Variants in SMIM35 observed in about 807,000 individuals in gnomAD.
SMIM35 encodes the protein TMPRSS4 antisense RNA 1 (non-protein coding).
intron 4 of SMIM35, among the ~76,000 whole-genome samples, chr11:118,007,414 T>C (rs77295964): frequency 8.5e-5 from 13 of 152,114 alleles, no homozygotes; most frequent in Non-Finnish European, 1.8e-4. Flanking sequence ...TTTTTTTTTT[T>C]GAGACTGAGA....
chr11:118,047,103 C>T (rs552222926), intron 1 of SMIM35, among the ~76,000 whole-genome samples: 12 of 152,196 alleles, frequency 7.9e-5, no homozygotes, highest in Non-Finnish European at 1.8e-4. Flanking sequence ...AGGAGTAAAC[C>T]GGCTGCTGAG....
At chr11:118,023,959 G>A (rs1464425264) in intron 1 of SMIM35, among the ~76,000 whole-genome samples, 1 of 151,750 alleles carries the variant, frequency 6.6e-6, no homozygotes, top group Non-Finnish European at 1.5e-5. Context: ...GCTTGAACCT[G>A]GGTGGTGGAG....
chr11:118,044,348 C>T (rs951318260), intron 1 of SMIM35, among the ~76,000 whole-genome samples: 1 of 147,490 alleles, frequency 6.8e-6, no homozygotes, highest in East Asian at 2.0e-4. Flanking sequence ...GCCGTGAGTA[C>T]GTGCCAAGCA....
At chr11:118,008,664 T>G (rs1326161660) in intron 4 of SMIM35, among the ~76,000 whole-genome samples, 5 of 152,086 alleles carry the variant, frequency 3.3e-5, no homozygotes, top group Admixed American at 6.5e-5. Context: ...AGATCAAAAG[T>G]TTTGGTTTTC....
intron 1 of SMIM35, among the ~76,000 whole-genome samples, chr11:118,066,266 G>A (rs1944473250): frequency 6.6e-6 from 1 of 151,996 alleles, no homozygotes; most frequent in Non-Finnish European, 1.5e-5. Context: ...TCCAAATCTA[G>A]TCAGTCACCA....
At chr11:118,048,729 G>GAAAACAA (rs1255659327) in intron 1 of SMIM35, among the ~76,000 whole-genome samples, 1 of 151,466 alleles carries the variant, frequency 6.6e-6, no homozygotes, top group Admixed American at 6.6e-5. Context: ...AAAAACAACA[G>GAAAACAA]AAAACAAAAA....
chr11:118,073,378 A>G (rs990701859), intron 1 of SMIM35, among the ~76,000 whole-genome samples: 4 of 152,212 alleles, frequency 2.6e-5, no homozygotes, highest in African/African-American at 9.6e-5. Flanking sequence ...TGAGATTAGG[A>G]GGCAGGACCC....
chr11:118,051,208 T>C (rs1944207627), intron 1 of SMIM35, among the ~76,000 whole-genome samples: 1 of 152,216 alleles, frequency 6.6e-6, no homozygotes, highest in Non-Finnish European at 1.5e-5. Context: ...CTATGCCTTG[T>C]ATTGTTCTCT....
chr11:118,009,700 C>T (rs933170026), intron 4 of SMIM35, among the ~76,000 whole-genome samples: 3 of 148,956 alleles, frequency 2.0e-5, no homozygotes, highest in African/African-American at 7.5e-5. Context: ...AGGCTATACG[C>T]TAAGAACTGA....
intron 1 of SMIM35, among the ~76,000 whole-genome samples, chr11:118,023,731 A>G (rs1224940572): frequency 1.3e-5 from 2 of 151,948 alleles, no homozygotes; most frequent in Non-Finnish European, 2.9e-5. Context: ...GGGGAAAAAA[A>G]GTAATAAAAC....
intron 4 of SMIM35, 92 bp downstream of exon 4, chr11:118,013,656 T>A: frequency 2.5e-6 from 1 of 395,260 alleles, no homozygotes; most frequent in Non-Finnish European, 4.5e-6. Flanking sequence ...GGGTTCCAAG[T>A]GGTCCTTGGT....
At chr11:118,009,243 G>T (rs1470597970) in intron 4 of SMIM35, among the ~76,000 whole-genome samples, 1 of 152,210 alleles carries the variant, frequency 6.6e-6, no homozygotes, top group African/African-American at 2.4e-5. Flanking sequence ...GAGACCATCT[G>T]GAGGGAGGAG....
chr11:118,020,112 A>C (rs2058214806), intron 1 of SMIM35, among the ~76,000 whole-genome samples: 1 of 152,152 alleles, frequency 6.6e-6, no homozygotes, highest in African/African-American at 2.4e-5. Context: ...CTAAAAATAC[A>C]AAAATTAGCC....
intron 1 of SMIM35, among the ~76,000 whole-genome samples, chr11:118,051,656 C>CA (rs1206044538): frequency 6.6e-6 from 1 of 152,166 alleles, no homozygotes; most frequent in African/African-American, 2.4e-5. Flanking sequence ...ACAGTGCAGA[C>CA]AGTGTAACAA....
At chr11:118,020,775 T>G (rs1591278975) in intron 1 of SMIM35, among the ~76,000 whole-genome samples, 2 of 149,312 alleles carry the variant, frequency 1.3e-5, no homozygotes, top group African/African-American at 5.0e-5. Flanking sequence ...ATAAAGGCCA[T>G]TTGCTTTCTT....
chr11:118,039,254 T>C (rs1472035569), intron 1 of SMIM35, among the ~76,000 whole-genome samples: 1 of 152,236 alleles, frequency 6.6e-6, no homozygotes. Context: ...ATACATGGAA[T>C]AAGTACCAAA....
chr11:118,030,190 A>G (rs2058306619), intron 1 of SMIM35, among the ~76,000 whole-genome samples: 1 of 151,966 alleles, frequency 6.6e-6, no homozygotes, highest in South Asian at 2.1e-4. Context: ...ATGCATCACC[A>G]CACCCAGCTA....
intron 1 of SMIM35, among the ~76,000 whole-genome samples, chr11:118,030,128 A>G (rs2058305960): frequency 6.6e-6 from 1 of 151,934 alleles, no homozygotes; most frequent in South Asian, 2.1e-4. Context: ...TCTGTCTCCC[A>G]GGTTCAAGTG....
intron 1 of SMIM35, among the ~76,000 whole-genome samples, chr11:118,043,541 T>C (rs1944039303): frequency 6.6e-6 from 1 of 152,148 alleles, no homozygotes; most frequent in African/African-American, 2.4e-5. Context: ...CTGGGCGCAG[T>C]GACTCACACC....
Sources: allele counts gnomAD v4.1 joint callset (sites outside exome capture counted in the v4.1 genomes callset), GRCh38; gene constraint gnomAD v4.1.1; transcripts MANE v1.5; gene names NCBI Gene and HGNC (gene_info 2026-07-23, HGNC 2026-07-21).